The following ZNF564 variants were observed in gnomAD, a reference collection of about 807,000 sequenced individuals.
ZNF564 encodes zinc finger protein 564.
Under a neutral mutation model 10.5 loss-of-function variants are expected in ZNF564, and 5 were observed. The ratio of observed to expected loss-of-function variants is 0.48; its 90% CI spans 0.25 to 1.00. The LOEUF (loss-of-function observed/expected upper bound fraction) is 1.00. Ranked by LOEUF, ZNF564 falls within the 50% of genes least tolerant of loss-of-function variation. The pLI is 0.16. For missense variants in ZNF564, 603 were observed against 669.7 expected, an observed-to-expected ratio of 0.90 and a Z score of 1.10; for synonymous variants, 242 against 218.1, an observed-to-expected ratio of 1.11 and a Z score of -0.97.
chr19:12,537,003 T>C (rs2021928983), intron 1 of ZNF564, among the ~76,000 whole-genome samples: 1 of 152,178 alleles, frequency 6.6e-6, no homozygotes, highest in Admixed American at 6.6e-5. Flanking sequence ...CCCCAGCCCT[T>C]GATAAGCAGC....
intron 1 of ZNF564, among the ~76,000 whole-genome samples, chr19:12,532,207 C>T (rs182728364): frequency 1.8e-4 from 27 of 148,436 alleles, no homozygotes; most frequent in Admixed American, 6.0e-4. Flanking sequence ...TGGGGAACAG[C>T]GAGACCTTCA....
intron 1 of ZNF564, among the ~76,000 whole-genome samples, chr19:12,539,771 A>T (rs1037505015): frequency 3.3e-5 from 5 of 151,530 alleles, no homozygotes; most frequent in Non-Finnish European, 7.4e-5. Context: ...GTCAGGAGAT[A>T]AAGACCATCC....
Position 12,541,206 on chromosome 19 carries a change from T to C in ZNF564, c.3+10124A>G, listed in dbSNP as rs1599284925. Among the ~76,000 whole-genome samples, 4 of 150,396 alleles carry C rather than the reference T, an allele frequency of 2.7e-5. No individual in the cohort carries two copies. In the South Asian group the frequency reaches 8.4e-4, roughly 32 times the overall value. On this transcript the variant is annotated intron_variant, in intron 1 of 3. Transcript: ENST00000339282. Reference sequence around the variant, plus strand: ...GTCTAGGCTGCAGTGAGCCATTGACTGCACTACTGCACTCCACCCTGGGTG... The same window carrying C: ...GTCTAGGCTGCAGTGAGCCATTGACCGCACTACTGCACTCCACCCTGGGTG...
chr19:12,542,519 G>A (rs1463321414), intron 1 of ZNF564, among the ~76,000 whole-genome samples: 4 of 151,886 alleles, frequency 2.6e-5, no homozygotes, highest in Non-Finnish European at 5.9e-5. Flanking sequence ...TACTCAGGAG[G>A]TTGAGGCAGG....
intron 1 of ZNF564, among the ~76,000 whole-genome samples, chr19:12,531,023 C>T (rs976897839): frequency 1.1e-4 from 17 of 151,952 alleles, no homozygotes; most frequent in African/African-American, 3.6e-4. Flanking sequence ...GCTGGGATTA[C>T]AGGTGTAAAC....
chr19:12,534,342 G>A (rs1018292653), intron 1 of ZNF564, among the ~76,000 whole-genome samples: 6 of 152,044 alleles, frequency 3.9e-5, no homozygotes, highest in Admixed American at 3.3e-4. Flanking sequence ...TTTGTCACTG[G>A]GGAATTACAA....
Position 12,528,714 on chromosome 19 carries a change from T to G in ZNF564, c.4-18A>C, listed in dbSNP as rs368178384. 6.2e-7 allele frequency: 1 copy of G among 1,601,100 alleles called. No homozygotes were observed. The highest frequency in any genetic ancestry group is 1.4e-5 in the African/African-American group (1 of 73,954). ...ACTGAGTCCTAAAACATCCCAAATA[T>G]GCAATGCAGGAGGAAGAATGAGATG... On this transcript the variant is annotated intron_variant, in intron 1 of 3. Transcript: ENST00000339282.
At chr19:12,538,896 T>C (rs2021974886) in intron 1 of ZNF564, among the ~76,000 whole-genome samples, 1 of 151,998 alleles carries the variant, frequency 6.6e-6, no homozygotes, top group African/African-American at 2.4e-5. Flanking sequence ...TGGTTTATAA[T>C]CATAACTAAT....
chr19:12,531,883 T>C (rs2021808241), intron 1 of ZNF564, among the ~76,000 whole-genome samples: 1 of 152,208 alleles, frequency 6.6e-6, no homozygotes, highest in East Asian at 1.9e-4. Context: ...ACAGATGCTG[T>C]TATAGTGGAT....
intron 1 of ZNF564, chr19:12,549,002 C>A: frequency 1.6e-6 from 1 of 638,990 alleles, no homozygotes; most frequent in Non-Finnish European, 2.8e-6. Flanking sequence ...ATTCTCAAGG[C>A]TAAGTTCTGG....
chr19:12,548,773 CA>C, intron 1 of ZNF564: 1 of 700,928 alleles, frequency 1.4e-6, no homozygotes, highest in South Asian at 1.5e-5. Context: ...TTTAATATTT[CA>C]AAGTCCCATC....
chr19:12,534,709 G>A (rs574322029), intron 1 of ZNF564, among the ~76,000 whole-genome samples: 5 of 152,236 alleles, frequency 3.3e-5, no homozygotes, highest in African/African-American at 1.2e-4. Context: ...AGCTACTCGA[G>A]AGGCTGAAGC....
At chr19:12,532,371 T>TAAA (rs2021823679) in intron 1 of ZNF564, among the ~76,000 whole-genome samples, 1 of 150,384 alleles carries the variant, frequency 6.6e-6, no homozygotes, top group Non-Finnish European at 1.5e-5. Flanking sequence ...CCGTCTCTAC[T>TAAA]AAAAATACAA....
chr19:12,540,841 A>G (rs1260097505), intron 1 of ZNF564, among the ~76,000 whole-genome samples: 2 of 149,846 alleles, frequency 1.3e-5, no homozygotes, highest in East Asian at 4.0e-4. Flanking sequence ...GTGACACAGC[A>G]AGACTCCGTC....
intron 1 of ZNF564, chr19:12,548,868 AAGG>A (rs1279029451): frequency 5.7e-6 from 4 of 702,696 alleles, no homozygotes; most frequent in Non-Finnish European, 1.0e-5. Context: ...CTACCCTGCA[AAGG>A]AGAAGATATT....
At position 12,527,817 on chromosome 19, in the gene ZNF564, A is replaced by G. The variant is rs762060647; in HGVS notation, c.291T>C (p.Pro97=). The G allele has an allele frequency of 1.9e-6, 3 of 1,614,064 alleles. No homozygotes were observed. In the East Asian group the frequency reaches 6.7e-5, roughly 36 times the overall value. Residue 97 remains proline (P), a synonymous_variant, in exon 4 of 4, where the codon CCT becomes CCC. Coordinates refer to ENST00000339282, the MANE Select transcript of ZNF564 (RefSeq NM_144976.4). The stretch of plus-strand genomic sequence containing the variant: ...TACATTCACATGGTCTTACTATAGT[A>G]GGAATTTTCTTGTTCAGATTAAGAT... The part of the protein sequence containing the change: ...ILNLNLNKKI[P]TIVRPCECSL...
intron 1 of ZNF564, among the ~76,000 whole-genome samples, chr19:12,545,732 G>T (rs770428933): frequency 1.3e-5 from 2 of 152,158 alleles, no homozygotes; most frequent in African/African-American, 4.8e-5. Flanking sequence ...GGCAGGGAAA[G>T]GGGGGTGGAT....
intron 1 of ZNF564, among the ~76,000 whole-genome samples, chr19:12,533,634 C>T (rs1424195434): frequency 7.4e-6 from 1 of 134,644 alleles, no homozygotes; most frequent in Non-Finnish European, 1.5e-5. Flanking sequence ...GGCTGAGATA[C>T]AAGAATCACT....
At position 12,528,604 on chromosome 19, in the gene ZNF564, C is replaced by T; in HGVS notation, c.96G>A (p.Val32=). Residue 32 remains valine, a synonymous_variant, in exon 2 of 4, where the codon GTG becomes GTA. Transcript: ENST00000339282. ...CCAGGTTTCTAAAGGTTTCCCGCAT[C>T]ACATCTCTGTAGAGTTTCTTCTGGG... ...DPSQKKLYRD[V]MRETFRNLAC... is the part of the protein sequence containing the mutation. 6.2e-7 allele frequency: 1 copy of T among 1,614,014 alleles called. No homozygotes were observed. The highest frequency in any genetic ancestry group is 8.5e-7 in the Non-Finnish European group (1 of 1,180,010).
Sources: gnomAD v4.1 joint callset for allele counts (sites outside exome capture counted in the v4.1 genomes callset) on GRCh38, gnomAD v4.1.1 for gene constraint, MANE v1.5 for transcripts, NCBI Gene and HGNC (gene_info 2026-07-23, HGNC 2026-07-21) for gene names.